The following HUNK variants were observed in gnomAD, a reference collection of about 807,000 sequenced individuals.
HUNK encodes the protein hormonally up-regulated neu tumor-associated kinase.
Under a neutral mutation model 61.0 loss-of-function variants are expected in HUNK, and 21 were observed. The ratio of observed to expected loss-of-function variants is 0.34; its 90% CI spans 0.24 to 0.50. The LOEUF is 0.50. Among genes scored for constraint, HUNK ranks in the 20% least tolerant of loss-of-function variants. HUNK has a pLI of 0.98. For synonymous variants in HUNK, 371 were observed against 386.1 expected (o/e 0.96, Z 0.46); for missense variants, 772 against 945.7 (o/e 0.82, Z 2.41).
chr21:31,960,306 T>C (rs985445274), intron 5 of HUNK, among the ~76,000 whole-genome samples: 2 of 149,706 alleles, frequency 1.3e-5, no homozygotes, highest in Non-Finnish European at 2.9e-5. Flanking sequence ...GTAATAAACA[T>C]GTGTGGTATT....
chr21:31,946,688 C>G (rs1377431348), intron 4 of HUNK, among the ~76,000 whole-genome samples: 1 of 152,082 alleles, frequency 6.6e-6, no homozygotes, highest in Non-Finnish European at 1.5e-5. Flanking sequence ...GATCTCAGCT[C>G]ACTGCAACCT....
At chr21:31,938,358 G>A (rs1038822720) in intron 2 of HUNK, among the ~76,000 whole-genome samples, 3 of 152,202 alleles carry the variant, frequency 2.0e-5, no homozygotes, top group African/African-American at 7.2e-5. Context: ...AGCCTGCAAG[G>A]TTGGGGTTAT....
intron 1 of HUNK, among the ~76,000 whole-genome samples, chr21:31,893,491 T>C (rs1056638075): frequency 9.2e-5 from 14 of 152,146 alleles, no homozygotes; most frequent in African/African-American, 3.4e-4. Flanking sequence ...TGGTCTCCTA[T>C]AGTCATGTTT....
Position 31,968,255 on chromosome 21 carries a change from A to G in HUNK, c.880A>G (p.Ile294Val), listed in dbSNP as rs912429202. The G allele has an allele frequency of 6.2e-7, 1 of 1,614,190 alleles. No homozygotes were observed. Reference sequence around the variant, plus strand: ...CTTTCCCAAATGTCTCCCAGGTGCCATCAGTTTCCTGCGCTCTCTCCTGGA... The same window carrying G: ...CTTTCCCAAATGTCTCCCAGGTGCCGTCAGTTTCCTGCGCTCTCTCCTGGA... Reference protein sequence around the residue: ...PLPTQLSTGAISFLRSLLEPD... With the variant: ...PLPTQLSTGAVSFLRSLLEPD... Residue 294 changes from isoleucine (I) to valine (V), a missense_variant, in exon 6 of 11, where the codon ATC (isoleucine) becomes GTC (valine). Physicochemically the swap from Ile to Val is conservative, Grantham distance 29. Coordinates refer to ENST00000270112, the MANE Select transcript of HUNK (RefSeq NM_014586.2).
rs1316700020 is a variant in HUNK at position 31,873,967 on chromosome 21, A to G, written c.261+32A>G. On this transcript the variant is annotated intron_variant, in intron 1 of 10. Transcript: ENST00000270112. This position sits in a 1 kb window ranked among gnomAD's most constrained non-coding sequence, Gnocchi z 6.1. ...CTCCCGGGCGCCGTGGGGCTGGGGC[A>G]CAGGGGCGGGAGTCGGCGGCCAGGA... 3 of 1,444,344 alleles carry G rather than the reference A, an allele frequency of 2.1e-6. No individual in the cohort carries two copies. The highest frequency in any genetic ancestry group is 2.7e-6 in the Non-Finnish European group (3 of 1,094,716). 89.5% of individuals were successfully genotyped at this position (1,444,344 alleles called of 1,614,324 possible).
Position 32,000,020 on chromosome 21 carries a change from C to G in HUNK, c.*836C>G. On this transcript the variant is annotated 3_prime_UTR_variant, in exon 11 of 11. Coordinates refer to ENST00000270112, the MANE Select transcript of HUNK (RefSeq NM_014586.2). ...CAAAAAAGCTGACTGTGGTGATTTG[C>G]TGAGTGCTGTGGCCCACAGGCAGGG... 2.5e-6 allele frequency: 1 copy of G among 396,786 alleles called. No homozygotes were observed. Among genetic ancestry groups the G allele is most frequent in the African/African-American group, 2.1e-5 (1 of 48,380 alleles). 24.6% of individuals were successfully genotyped at this position (396,786 alleles called of 1,614,324 possible). A position where few individuals can be genotyped will look rare whatever the true frequency, so the allele number is the denominator to read the frequency against.
intron 6 of HUNK, 35 bp from the exon 7 acceptor site, chr21:31,974,520 A>T (rs1281402649): frequency 6.3e-7 from 1 of 1,594,368 alleles, no homozygotes; most frequent in East Asian, 2.2e-5. Flanking sequence ...CGTGAAGTGC[A>T]GGGGTGACTG....
At chr21:31,877,242 G>A (rs990469711) in intron 1 of HUNK, among the ~76,000 whole-genome samples, 1 of 152,180 alleles carries the variant, frequency 6.6e-6, no homozygotes, top group Non-Finnish European at 1.5e-5. Context: ...GTGTGTGTGT[G>A]TGTAGCGTGT....
intron 1 of HUNK, among the ~76,000 whole-genome samples, chr21:31,921,619 T>G (rs970332615): frequency 4.6e-5 from 7 of 152,108 alleles, no homozygotes; most frequent in African/African-American, 1.7e-4. Context: ...CAAGAGCTTC[T>G]GCAAGAAATC....
rs1359569913 is a variant in HUNK, at chr21:31,995,811, A to C, written c.1349A>C (p.His450Pro). 1 of 1,614,218 alleles carries C rather than the reference A, an allele frequency of 6.2e-7. No homozygotes were observed. The highest frequency in any genetic ancestry group is 2.2e-5 in the East Asian group (1 of 44,886). Residue 450 changes from histidine (H) to proline (P), a missense_variant, in exon 10 of 11, where the codon CAT becomes CCT. His to Pro is a moderately conservative substitution (Grantham distance 77). Transcript: ENST00000270112. ...KEQEKRGDFL[H>P]RPFSKKLDKN... Reference sequence around the variant, plus strand: ...CAAGAAAAAAGAGGGGATTTTCTTCATCGACCATTCTCCAAGAAGTTGGAC... The same window carrying C: ...CAAGAAAAAAGAGGGGATTTTCTTCCTCGACCATTCTCCAAGAAGTTGGAC...
rs760731052 is a variant in HUNK, at chr21:31,924,457, T to C, written c.262-11T>C. 1.9e-6 allele frequency: 3 copies of C among 1,608,592 alleles called. No individual in the cohort carries two copies. The highest frequency in any genetic ancestry group is 1.7e-4 in the Middle Eastern group (1 of 6,020). On this transcript the variant is annotated splice_polypyrimidine_tract_variant and intron_variant, in intron 1 of 10. Transcript: ENST00000270112. This position sits in a 1 kb window ranked among gnomAD's most constrained non-coding sequence, Gnocchi z 5.1. The stretch of plus-strand genomic sequence containing the variant: ...TGTCTGATAACAGGCATGTTCTTGT[T>C]TTCTCCTTAGGTGGCCATAAAAGTC...
intron 7 of HUNK, among the ~76,000 whole-genome samples, chr21:31,977,917 C>G (rs1414098507): frequency 2.0e-5 from 3 of 152,190 alleles, no homozygotes; most frequent in Non-Finnish European, 4.4e-5. Context: ...AGGCTGGTCT[C>G]TAACTCCTGG....
At chr21:31,986,088 C>T (rs993066860) in intron 8 of HUNK, among the ~76,000 whole-genome samples, 2 of 152,028 alleles carry the variant, frequency 1.3e-5, no homozygotes, top group African/African-American at 4.8e-5. Context: ...TGGTGGGGAC[C>T]CAGATGCCCC....
intron 1 of HUNK, among the ~76,000 whole-genome samples, chr21:31,888,462 A>G (rs2052363563): frequency 6.8e-3 from 1 of 148 alleles, no homozygotes; most frequent in Non-Finnish European, 0.015. Context: ...GTTAGGCTGG[A>G]CGCAGTGCTC....
intron 1 of HUNK, among the ~76,000 whole-genome samples, chr21:31,874,916 C>A (rs554807958): frequency 2.0e-5 from 3 of 152,314 alleles, no homozygotes; most frequent in East Asian, 1.9e-4. Context: ...AACCCAAGAG[C>A]TTGGTGACTC....
chr21:31,967,773 C>T (rs2052977337), intron 5 of HUNK, among the ~76,000 whole-genome samples: 1 of 152,172 alleles, frequency 6.6e-6, no homozygotes, highest in African/African-American at 2.4e-5. Context: ...TCTGGCTTCT[C>T]CCTGAGTGCT....
intron 1 of HUNK, among the ~76,000 whole-genome samples, chr21:31,876,322 G>A (rs1312997366): frequency 2.6e-5 from 4 of 152,162 alleles, no homozygotes; most frequent in Non-Finnish European, 4.4e-5. Flanking sequence ...GGGATTGCGG[G>A]CATTGGGAGA....
At chr21:31,955,651 TC>T (rs768526827) in intron 4 of HUNK, among the ~76,000 whole-genome samples, 6 of 152,212 alleles carry the variant, frequency 3.9e-5, no homozygotes, top group Non-Finnish European at 7.3e-5. Context: ...TGGAAGGTGT[TC>T]TTAGTTATAT....
intron 2 of HUNK, among the ~76,000 whole-genome samples, chr21:31,932,341 C>T (rs1043550735): frequency 1.3e-5 from 2 of 152,148 alleles, no homozygotes; most frequent in Non-Finnish European, 2.9e-5. Context: ...TCTCCTCCCT[C>T]GCACCCTCTG....
Sources: allele counts gnomAD v4.1 joint callset (sites outside exome capture counted in the v4.1 genomes callset), GRCh38; gene constraint gnomAD v4.1.1; non-coding constraint Gnocchi (gnomAD v3.1); transcripts MANE v1.5; gene names NCBI Gene and HGNC (gene_info 2026-07-23, HGNC 2026-07-21).